IGFBP5: variants seen among roughly 807,000 people sequenced by gnomAD.
IGFBP5 encodes the protein insulin like growth factor binding protein 5, also known as insulin-like growth factor-binding protein 5.
IGFBP5 carries 12 observed loss-of-function variants against 28.0 expected under a neutral mutation model. The observed-to-expected ratio is 0.43, with a 90% CI of 0.27 to 0.69. The LOEUF (loss-of-function observed/expected upper bound fraction) is 0.69, where lower values mean the gene tolerates loss of function less well. Ranked by LOEUF, IGFBP5 falls within the 30% of genes least tolerant of loss-of-function variation. The pLI, the probability that IGFBP5 is intolerant of heterozygous loss-of-function variation, is 0.20. For synonymous variants in IGFBP5, 152 were observed against 150.2 expected, an observed-to-expected ratio of 1.01 and a Z score of -0.09; for missense variants, 344 against 381.6, an observed-to-expected ratio of 0.90 and a Z score of 0.82.
chr2:216,694,409 G>C lies in IGFBP5; in HGVS notation c.337+30C>G. The stretch of plus-strand genomic sequence containing the variant: ...CTCGTGTCCCCCGCCCGTGCGCCGC[G>C]TAACTGACTGGCACACTGAGCGCGC... On this transcript the variant is annotated intron_variant, in intron 1 of 3. Coordinates refer to ENST00000233813, the MANE Select transcript of IGFBP5 (RefSeq NM_000599.4). The surrounding 1 kb of genome is among the most constrained non-coding windows in gnomAD (Gnocchi z 5.2). 6.8e-7 allele frequency: 1 copy of C among 1,460,634 alleles called. No individual in the cohort carries two copies. The highest frequency in any genetic ancestry group is 9.0e-7 in the Non-Finnish European group (1 of 1,106,536). The allele number at this position is 1,460,634 out of a possible 1,614,324, so 90.5% of individuals were successfully genotyped here. A position where few individuals can be genotyped will look rare whatever the true frequency, so the allele number is the denominator to read the frequency against.
intron 1 of IGFBP5, among the ~76,000 whole-genome samples, chr2:216,691,720 C>T (rs1689098120): frequency 6.6e-6 from 1 of 151,890 alleles, no homozygotes; most frequent in Admixed American, 6.6e-5. Context: ...TTCTGCTCCC[C>T]ATTTCTGATT....
chr2:216,676,423 CTT>C lies in IGFBP5; in HGVS notation c.*326_*327del, dbSNP rs1688898377. The C allele has an allele frequency of 5.5e-6, 1 of 180,944 alleles. No homozygotes were observed. The highest frequency in any genetic ancestry group is 1.2e-5 in the Non-Finnish European group (1 of 86,676). 11.2% of individuals were successfully genotyped at this position (180,944 alleles called of 1,614,324 possible). A position where few individuals can be genotyped will look rare whatever the true frequency, so the allele number is the denominator to read the frequency against. On this transcript the variant is annotated 3_prime_UTR_variant, in exon 4 of 4. Coordinates refer to ENST00000233813, the MANE Select transcript of IGFBP5 (RefSeq NM_000599.4). Reference sequence around the variant, plus strand: ...TCTTCCTTTTCCTAACTCTATTCGTCTTTCTCTCTCTTCTACACAAACACTTC... The same window carrying C: ...TCTTCCTTTTCCTAACTCTATTCGTCTCTCTCTCTTCTACACAAACACTTC...
chr2:216,685,452 G>A (rs1434129753), intron 1 of IGFBP5, among the ~76,000 whole-genome samples: 1 of 152,140 alleles, frequency 6.6e-6, no homozygotes, highest in Non-Finnish European at 1.5e-5. Flanking sequence ...GAAAGTCCTG[G>A]TCAGTGCTGG....
In IGFBP5 at chr2:216,679,053, G is replaced by A. The variant is rs1356665413; in HGVS notation, c.364C>T (p.Pro122Ser). ...TCCTCGGCCATCTCAGAGGTGGTGG[G>A]CTCCTCGTGCTCACGGGAGTCTCTC... is the stretch of plus-strand genomic sequence containing the variant. Reference protein sequence around the residue: ...IERDSREHEEPTTSEMAEETY... With the variant: ...IERDSREHEESTTSEMAEETY... The change falls in exon 2 of 4, where the codon CCC (proline) becomes TCC (serine). Residue 122 changes from proline (P) to serine (S), a missense_variant. Physicochemically the swap from Pro to Ser is moderately conservative, Grantham distance 74. Around this residue, in one of 3 missense-constraint regions of IGFBP5, gnomAD observed 304 missense variants for 329.2 expected, o/e 0.92. Coordinates refer to ENST00000233813, the MANE Select transcript of IGFBP5 (RefSeq NM_000599.4). The surrounding 1 kb of genome is among the most constrained non-coding windows in gnomAD (Gnocchi z 4.6). 6.2e-7 allele frequency: 1 copy of A among 1,614,138 alleles called. No homozygotes were observed. Among genetic ancestry groups the A allele is most frequent in the South Asian group, 1.1e-5 (1 of 91,082 alleles).
rs530493002 is a variant in IGFBP5, at chr2:216,674,246, A to G, written c.*2505T>C. The G allele has an allele frequency of 2.0e-5, 3 of 153,386 alleles. No individual in the cohort carries two copies. The South Asian group carries it at 6.2e-4, about 32-fold the overall frequency. The allele number at this position is 153,386 out of a possible 1,614,324, so 9.5% of individuals were successfully genotyped here. A position where few individuals can be genotyped will look rare whatever the true frequency, so the allele number is the denominator to read the frequency against. Reference sequence around the variant, plus strand: ...ATGGGTGGAAAGAACAGTGACGTGGAAGAGGTTTGGGATACTGGCCTAAGA... The same window carrying G: ...ATGGGTGGAAAGAACAGTGACGTGGGAGAGGTTTGGGATACTGGCCTAAGA... On this transcript the variant is annotated 3_prime_UTR_variant, in exon 4 of 4. Transcript: ENST00000233813. This position sits in a 1 kb window ranked among gnomAD's most constrained non-coding sequence, Gnocchi z 4.4.
rs987905284 is a variant in IGFBP5, at chr2:216,689,436, C to T, written c.337+5003G>A. Among the ~76,000 whole-genome samples, 45 of 152,216 alleles carry T rather than the reference C, an allele frequency of 3.0e-4. 1 individual carries two copies. Among genetic ancestry groups the T allele is most frequent in the Non-Finnish European group, 4.4e-4 (30 of 68,030 alleles). ...TGAGTGTGAAAATAAGAGAGTGTGG[C>T]CCTCTCCACTTTGGGGCCGCTTCAC... is the stretch of plus-strand genomic sequence containing the variant. On this transcript the variant is annotated intron_variant, in intron 1 of 3. Coordinates refer to ENST00000233813, the MANE Select transcript of IGFBP5 (RefSeq NM_000599.4).
At position 216,694,829 on chromosome 2, in the gene IGFBP5, G is replaced by T; in HGVS notation, c.-54C>A. The T allele has an allele frequency of 8.2e-7, 1 of 1,218,032 alleles. No homozygotes were observed. The highest frequency in any genetic ancestry group is 2.4e-5 in the South Asian group (1 of 42,504). 75.5% of individuals were successfully genotyped at this position (1,218,032 alleles called of 1,614,324 possible). A position where few individuals can be genotyped will look rare whatever the true frequency, so the allele number is the denominator to read the frequency against. On this transcript the variant is annotated 5_prime_UTR_variant, in exon 1 of 4. It adds an upstream start codon to the 5' untranslated region. Coordinates refer to ENST00000233813, the MANE Select transcript of IGFBP5 (RefSeq NM_000599.4). This position sits in a 1 kb window ranked among gnomAD's most constrained non-coding sequence, Gnocchi z 5.2. Reference sequence around the variant, plus strand: ...GGTGGGGCAGGAGAGCGAGAGTGCAGGGATAAAGGGGCCAAGAGGGCCCCC... The same window carrying T: ...GGTGGGGCAGGAGAGCGAGAGTGCATGGATAAAGGGGCCAAGAGGGCCCCC...
rs1010754976 is a variant in IGFBP5 at position 216,692,221 on chromosome 2, G to T, written c.337+2218C>A. On this transcript the variant is annotated intron_variant, in intron 1 of 3. Coordinates refer to ENST00000233813, the MANE Select transcript of IGFBP5 (RefSeq NM_000599.4). The surrounding 1 kb of genome is among the most constrained non-coding windows in gnomAD (Gnocchi z 4.2). ...AGCCGGCCGGGCACCTGCCTTCGGCGGGGTGGAGTCGGAGAGGAGTGCTGG... is the reference window on the plus strand; with the variant it reads ...AGCCGGCCGGGCACCTGCCTTCGGCTGGGTGGAGTCGGAGAGGAGTGCTGG... Among the ~76,000 whole-genome samples the T allele has an allele frequency of 6.6e-6, 1 of 152,318 alleles. No homozygotes were observed.
intron 3 of IGFBP5, among the ~76,000 whole-genome samples, chr2:216,677,310 T>G (rs1357527819): frequency 6.6e-6 from 1 of 151,910 alleles, no homozygotes; most frequent in Non-Finnish European, 1.5e-5. Flanking sequence ...CTCAAGAGAG[T>G]TATGATCCAA....
intron 1 of IGFBP5, among the ~76,000 whole-genome samples, chr2:216,688,632 T>C (rs536031958): frequency 6.6e-6 from 1 of 152,250 alleles, no homozygotes; most frequent in African/African-American, 2.4e-5. Context: ...GGAACCCACA[T>C]TAAACAACTC....
At position 216,679,972 on chromosome 2, in the gene IGFBP5, G is replaced by A. The variant is rs1246522826; in HGVS notation, c.338-893C>T. Among the ~76,000 whole-genome samples, 9 of 152,110 alleles carry A rather than the reference G, an allele frequency of 5.9e-5. No homozygotes were observed. The highest frequency in any genetic ancestry group is 2.2e-4 in the African/African-American group (9 of 41,428). On this transcript the variant is annotated intron_variant, in intron 1 of 3. Transcript: ENST00000233813. The surrounding 1 kb of genome is among the most constrained non-coding windows in gnomAD (Gnocchi z 4.6). ...GTCAGACTTTGTTGATGTATTTGTT[G>A]ATCCTTAATTCCACCCGTCCGGCCT... is the stretch of plus-strand genomic sequence containing the variant.
At position 216,692,269 on chromosome 2, in the gene IGFBP5, G is replaced by A. The variant is rs920493890; in HGVS notation, c.337+2170C>T. On this transcript the variant is annotated intron_variant, in intron 1 of 3. Transcript: ENST00000233813. This position sits in a 1 kb window ranked among gnomAD's most constrained non-coding sequence, Gnocchi z 4.2. ...TGGGGAGGGGGCGGGTAGAAGAGGC[G>A]GCTTCGGGTTGGCCCAAAGGCACTC... Among the ~76,000 whole-genome samples the A allele has an allele frequency of 2.0e-5, 3 of 152,158 alleles. No individual in the cohort carries two copies. The highest frequency in any genetic ancestry group is 7.2e-5 in the African/African-American group (3 of 41,448).
rs767970369 is a variant in IGFBP5 at position 216,679,120 on chromosome 2, A to G, written c.338-41T>C. ...CCGGAGGGTCAGCCCCCGTGGGCCA[A>G]GGTGCACACGGCCAGAGCCCAGGGC... On this transcript the variant is annotated intron_variant, in intron 1 of 3. Coordinates refer to ENST00000233813, the MANE Select transcript of IGFBP5 (RefSeq NM_000599.4). This position sits in a 1 kb window ranked among gnomAD's most constrained non-coding sequence, Gnocchi z 4.6. 9.0e-6 allele frequency: 14 copies of G among 1,551,230 alleles called. No individual in the cohort carries two copies. The South Asian group carries it at 1.6e-4, about 17-fold the overall frequency.
chr2:216,678,963 C>T lies in IGFBP5; in HGVS notation c.454G>A (p.Val152Met). The T allele has an allele frequency of 1.9e-6, 3 of 1,614,200 alleles. No homozygotes were observed. The South Asian group carries it at 3.3e-5, about 18-fold the overall frequency. Residue 152 changes from valine (V) to methionine (M), a missense_variant, in exon 2 of 4, where the codon GTG (valine) becomes ATG (methionine). By Grantham distance (21) the Val-to-Met change is conservative. Around this residue, in one of 3 missense-constraint regions of IGFBP5, gnomAD observed 304 missense variants for 329.2 expected, o/e 0.92. Coordinates refer to ENST00000233813, the MANE Select transcript of IGFBP5 (RefSeq NM_000599.4). ...AGCTTCTTTCTGCGGTCCTTCTTCA[C>T]TGCTTCAGCCTTCAGCTCGGAGATG... ...TRISELKAEA[V>M]KKDRRKKLTQ...
rs140712288 is a variant in IGFBP5 at position 216,681,570 on chromosome 2, T to A, written c.338-2491A>T. Among the ~76,000 whole-genome samples the A allele has an allele frequency of 1.0e-2, 1,516 of 152,240 alleles. 26 individuals are homozygous for A. Among genetic ancestry groups the A allele is most frequent in the African/African-American group, 0.034 (1,425 of 41,516 alleles). ...GTAGCAGTTCCTGGAATCCTTTCCG[T>A]AGGCCATTTAGTCCATCCCCCTGTG... On this transcript the variant is annotated intron_variant, in intron 1 of 3. Coordinates refer to ENST00000233813, the MANE Select transcript of IGFBP5 (RefSeq NM_000599.4).
At chr2:216,689,206 C>T (rs899832667) in intron 1 of IGFBP5, among the ~76,000 whole-genome samples, 4 of 152,174 alleles carry the variant, frequency 2.6e-5, no homozygotes, top group South Asian at 2.1e-4. Context: ...GACTACAGGC[C>T]GCTGCACAGC....
intron 1 of IGFBP5, among the ~76,000 whole-genome samples, chr2:216,681,298 A>T (rs1688975418): frequency 2.0e-5 from 3 of 152,172 alleles, no homozygotes; most frequent in African/African-American, 7.2e-5. Context: ...GGGGAGGGGC[A>T]GACAGGATAT....
In IGFBP5 at chr2:216,694,914, C is replaced by T. The variant is rs920256105; in HGVS notation, c.-139G>A. 1.9e-6 allele frequency: 1 copy of T among 517,052 alleles called. No homozygotes were observed. 32.0% of individuals were successfully genotyped at this position (517,052 alleles called of 1,614,324 possible). The stretch of plus-strand genomic sequence containing the variant: ...TTCTGGCAGGTAGAGCAGGTGCCCT[C>T]CCCCAGACACTTGCAAAAATGTAGA... On this transcript the variant is annotated 5_prime_UTR_variant, in exon 1 of 4. Transcript: ENST00000233813. This position sits in a 1 kb window ranked among gnomAD's most constrained non-coding sequence, Gnocchi z 5.2.
chr2:216,683,287 T>C (rs931123843), intron 1 of IGFBP5, among the ~76,000 whole-genome samples: 15 of 152,092 alleles, frequency 9.9e-5, no homozygotes, highest in Non-Finnish European at 1.8e-4. Context: ...AGATTGGAGG[T>C]TGAGGCTGAG....
Sources: allele counts gnomAD v4.1 joint callset (sites outside exome capture counted in the v4.1 genomes callset), GRCh38; gene constraint gnomAD v4.1.1; regional missense constraint gnomAD v4.1.1; non-coding constraint Gnocchi (gnomAD v3.1); transcripts MANE v1.5; gene names NCBI Gene and HGNC (gene_info 2026-07-23, HGNC 2026-07-21).